The following CSMD2 variants were observed in gnomAD, a reference collection of about 807,000 sequenced individuals.
CSMD2 encodes the protein CUB and sushi domain-containing protein 2.
Under a neutral mutation model 398.5 loss-of-function variants are expected in CSMD2, and 130 were observed. The ratio of observed to expected loss-of-function variants is 0.33; its 90% CI spans 0.28 to 0.38. The LOEUF (loss-of-function observed/expected upper bound fraction) is 0.38, where lower values mean the gene tolerates loss of function less well. Ranked by LOEUF, CSMD2 falls within the 10% of genes least tolerant of loss-of-function variation. The pLI is 1.00. For missense variants in CSMD2, 3,829 were observed against 4,764.9 expected (o/e 0.80, Z 5.78); for synonymous variants, 1,828 against 1,908.5 (o/e 0.96, Z 1.10).
chr1:33,550,518 T>C (rs188998794), intron 55 of CSMD2, among the ~76,000 whole-genome samples, 168 bp from the exon 56 acceptor site: 6 of 152,358 alleles, frequency 3.9e-5, no homozygotes, highest in Non-Finnish European at 7.3e-5. Context: ...GCAGACAATG[T>C]CCACTCAGGG....
chr1:33,562,821 A>T (rs1340041003), intron 53 of CSMD2, among the ~76,000 whole-genome samples: 11 of 152,188 alleles, frequency 7.2e-5, no homozygotes, highest in Admixed American at 2.6e-4. Flanking sequence ...CTGGAAGAAG[A>T]GGGAATTCGG....
At chr1:34,055,903 A>G (rs1653776141) in intron 2 of CSMD2, among the ~76,000 whole-genome samples, 1 of 152,216 alleles carries the variant, frequency 6.6e-6, no homozygotes, top group African/African-American at 2.4e-5. Context: ...CCCAGTAACC[A>G]ACCCCGGTCT....
intron 26 of CSMD2, among the ~76,000 whole-genome samples, chr1:33,659,038 T>C (rs1330636962): frequency 6.6e-6 from 1 of 152,158 alleles, no homozygotes; most frequent in Non-Finnish European, 1.5e-5. Context: ...TCCATTAGAC[T>C]GAAACCATAT....
chr1:34,103,981 T>C (rs1287473032), intron 1 of CSMD2, among the ~76,000 whole-genome samples: 1 of 152,212 alleles, frequency 6.6e-6, no homozygotes, highest in Non-Finnish European at 1.5e-5. Context: ...AGTTTTGACA[T>C]CTTTAAAATT....
At chr1:33,956,965 C>A (rs1407767458) in intron 3 of CSMD2, among the ~76,000 whole-genome samples, 1 of 152,030 alleles carries the variant, frequency 6.6e-6, no homozygotes, top group Non-Finnish European at 1.5e-5. Context: ...TGATTCCTTC[C>A]TCACCATGCT....
intron 22 of CSMD2, among the ~76,000 whole-genome samples, chr1:33,707,321 C>G (rs1645820437): frequency 6.6e-6 from 1 of 152,210 alleles, no homozygotes; most frequent in South Asian, 2.1e-4. Context: ...CCAAGAAAGC[C>G]TCTGCATTGC....
intron 5 of CSMD2, among the ~76,000 whole-genome samples, chr1:33,859,720 A>G (rs1404846017): frequency 6.6e-6 from 1 of 152,188 alleles, no homozygotes; most frequent in South Asian, 2.1e-4. Context: ...TGACATACAC[A>G]TGCTTATGCC....
chr1:33,889,233 G>A (rs1270831589), intron 5 of CSMD2, among the ~76,000 whole-genome samples: 1 of 151,670 alleles, frequency 6.6e-6, no homozygotes, highest in Non-Finnish European at 1.5e-5. Context: ...AAATGAATAG[G>A]AAAAACAAAC....
At chr1:33,734,386 T>C (rs935077321) in intron 15 of CSMD2, among the ~76,000 whole-genome samples, 7 of 152,192 alleles carry the variant, frequency 4.6e-5, no homozygotes, top group Non-Finnish European at 1.0e-4. Flanking sequence ...TGACAGAGTC[T>C]AGCTCTGTCG....
intron 1 of CSMD2, among the ~76,000 whole-genome samples, chr1:34,147,167 A>G (rs2148542371): frequency 6.6e-6 from 1 of 152,318 alleles, no homozygotes; most frequent in Admixed American, 6.5e-5. Context: ...CTGAGGCAGG[A>G]GAATGGCATG....
intron 13 of CSMD2, among the ~76,000 whole-genome samples, chr1:33,769,727 C>T (rs1472093417): frequency 2.0e-5 from 3 of 152,092 alleles, no homozygotes; most frequent in Non-Finnish European, 4.4e-5. Context: ...AAGAACAATA[C>T]AATACTTTGC....
In CSMD2 at chr1:33,531,544, A is replaced by G. The variant is rs758764841; in HGVS notation, c.10171+1506T>C. 1.1e-3 allele frequency among the ~76,000 whole-genome samples: 169 copies of G among 152,258 alleles called. 3 individuals are homozygous for G. Among genetic ancestry groups the G allele is most frequent in the Admixed American group, 0.011 (167 of 15,286 alleles). Reference sequence around the variant, plus strand: ...TGTTCACAGAAGTATTATTTGTAATAGCCAAAAAGTGGAAACAGCCTAAAC... The same window carrying G: ...TGTTCACAGAAGTATTATTTGTAATGGCCAAAAAGTGGAAACAGCCTAAAC... On this transcript the variant is annotated intron_variant, in intron 64 of 70. Transcript: ENST00000373381.
At chr1:33,870,363 A>C (rs1463655583) in intron 5 of CSMD2, 1 of 152,152 alleles carries the variant, frequency 6.6e-6, no homozygotes, top group Non-Finnish European at 1.5e-5. Flanking sequence ...AGCACACAAG[A>C]AGATAGCTTC....
chr1:33,788,961 T>C (rs1432748348), intron 11 of CSMD2, among the ~76,000 whole-genome samples: 1 of 152,210 alleles, frequency 6.6e-6, no homozygotes, highest in Non-Finnish European at 1.5e-5. Context: ...TCTCTAGCCC[T>C]GACCCTTGGG....
intron 5 of CSMD2, among the ~76,000 whole-genome samples, chr1:33,885,928 T>A (rs1641560771): frequency 6.6e-6 from 1 of 152,066 alleles, no homozygotes; most frequent in African/African-American, 2.4e-5. Context: ...CTCAATTTCC[T>A]CATGTGTCAA....
intron 3 of CSMD2, 65 bp downstream of exon 3, chr1:34,032,529 G>T: frequency 9.4e-7 from 1 of 1,066,226 alleles, no homozygotes; most frequent in Non-Finnish European, 1.4e-6. Context: ...GAGCAATGCA[G>T]TCCTGCTTGT....
At chr1:33,900,156 G>T (rs1184620019) in intron 5 of CSMD2, among the ~76,000 whole-genome samples, 1 of 152,342 alleles carries the variant, frequency 6.6e-6, no homozygotes, top group South Asian at 2.1e-4. Context: ...GGGAATCTGG[G>T]GCTGTTCAAA....
intron 7 of CSMD2, among the ~76,000 whole-genome samples, chr1:33,825,151 G>A (rs1407336968): frequency 1.3e-5 from 1 of 78,722 alleles, no homozygotes; most frequent in Non-Finnish European, 2.2e-5. Flanking sequence ...CCCAAGAAGA[G>A]AGCCCCCAGT....
intron 9 of CSMD2, among the ~76,000 whole-genome samples, chr1:33,811,981 C>T (rs1029181722): frequency 1.4e-4 from 22 of 152,142 alleles, no homozygotes; most frequent in Admixed American, 3.9e-4. Context: ...GGCCAAATAT[C>T]CTAGAGCTCC....
Sources: allele counts gnomAD v4.1 joint callset (sites outside exome capture counted in the v4.1 genomes callset), GRCh38; gene constraint gnomAD v4.1.1; transcripts MANE v1.5; gene names NCBI Gene and HGNC (gene_info 2026-07-23, HGNC 2026-07-21).